Variants in CEP63 observed in about 807,000 individuals in gnomAD.
The protein encoded by CEP63 is centrosomal protein 63.
A neutral mutation model predicts 89.1 loss-of-function variants in CEP63; 84 were observed. The ratio of observed to expected loss-of-function variants is 0.94; its 90% CI spans 0.79 to 1.13. The LOEUF is 1.13. CEP63 is among the 50% of genes most tolerant of loss of function. The pLI is 0.00. For missense variants in CEP63, 838 were observed against 813.3 expected (o/e 1.03, Z -0.37); for synonymous variants, 267 against 272.5 (o/e 0.98, Z 0.20).
chr3:134,583,015 T>A (rs556433404), intron 10 of CEP63, among the ~76,000 whole-genome samples: 24 of 152,354 alleles, frequency 1.6e-4, no homozygotes, highest in African/African-American at 5.8e-4. Context: ...TGCCCACTTT[T>A]TGATGGGGTT....
At chr3:134,614,042 T>C in the CEP63 span, among the ~76,000 whole-genome samples, 1 of 152,232 alleles carries the variant, frequency 6.6e-6, no homozygotes, top group Admixed American at 6.5e-5. Flanking sequence ...GCTCAGTGGC[T>C]GCCCTAGATG....
At chr3:134,531,583 A>G (rs763409493) in intron 3 of CEP63, among the ~76,000 whole-genome samples, 5 of 152,172 alleles carry the variant, frequency 3.3e-5, no homozygotes, top group Non-Finnish European at 7.4e-5. Context: ...CCCATCTCAA[A>G]AAGAAAAAAA....
At chr3:134,519,572 A>AT (rs1382372535) in intron 3 of CEP63, among the ~76,000 whole-genome samples, 1 of 152,212 alleles carries the variant, frequency 6.6e-6, no homozygotes, top group African/African-American at 2.4e-5. Context: ...ACAGAAGAAA[A>AT]GATAAGATTT....
At chr3:134,619,657 G>A in the CEP63 span, among the ~76,000 whole-genome samples, 1 of 152,236 alleles carries the variant, frequency 6.6e-6, no homozygotes, top group African/African-American at 2.4e-5. Context: ...CACAGAGCTC[G>A]TCTCCAAGTG....
chr3:134,735,211 T>A, the CEP63 span, among the ~76,000 whole-genome samples: 1 of 152,150 alleles, frequency 6.6e-6, no homozygotes, highest in East Asian at 1.9e-4. Context: ...TATAACTTCA[T>A]CAAGCATTAT....
chr3:134,594,462 C>A, the CEP63 span, among the ~76,000 whole-genome samples: 3 of 151,928 alleles, frequency 2.0e-5, no homozygotes, highest in African/African-American at 2.4e-5. Context: ...AAAGCAATCT[C>A]GGCACATGCT....
At chr3:134,665,834 T>C in the CEP63 span, among the ~76,000 whole-genome samples, 1 of 145,608 alleles carries the variant, frequency 6.9e-6, no homozygotes, top group Non-Finnish European at 1.5e-5. Flanking sequence ...GAGACAAATA[T>C]GGAGGAAAGA....
intron 3 of CEP63, among the ~76,000 whole-genome samples, chr3:134,519,184 C>T (rs185651717): frequency 1.3e-5 from 2 of 152,170 alleles, no homozygotes; most frequent in Admixed American, 6.5e-5. Context: ...AGTGCAGTTG[C>T]GTGATCTCAG....
the CEP63 span, among the ~76,000 whole-genome samples, chr3:134,698,828 G>A: frequency 6.6e-5 from 10 of 152,124 alleles, no homozygotes; most frequent in Non-Finnish European, 1.2e-4. Flanking sequence ...TTCATCCATC[G>A]TTTCACACAC....
chr3:134,658,170 A>G, the CEP63 span, among the ~76,000 whole-genome samples: 4 of 152,214 alleles, frequency 2.6e-5, no homozygotes, highest in Admixed American at 2.6e-4. Context: ...TGCTGGGATT[A>G]CAGGCATGAG....
the CEP63 span, among the ~76,000 whole-genome samples, chr3:134,667,762 G>A: frequency 6.6e-6 from 1 of 152,190 alleles, no homozygotes; most frequent in Non-Finnish European, 1.5e-5. Flanking sequence ...GAGGAAGCCA[G>A]TGGCCAGGTT....
intron 1 of CEP63, among the ~76,000 whole-genome samples, chr3:134,495,045 A>G (rs1444003155): frequency 6.6e-6 from 1 of 152,184 alleles, no homozygotes; most frequent in Admixed American, 6.5e-5. Flanking sequence ...GAACAATGAG[A>G]TATTTGATAT....
At chr3:134,488,287 C>G (rs918249804) in intron 1 of CEP63, among the ~76,000 whole-genome samples, 3 of 152,182 alleles carry the variant, frequency 2.0e-5, no homozygotes, top group Admixed American at 2.0e-4. Context: ...AACCATGCCC[C>G]TAACCCTGTC....
chr3:134,756,354 C>CT, the CEP63 span, among the ~76,000 whole-genome samples: 6 of 151,990 alleles, frequency 3.9e-5, no homozygotes, highest in African/African-American at 1.2e-4. Context: ...GAAGGGTATC[C>CT]TTTTTTTGAG....
At chr3:134,756,540 C>T in the CEP63 span, among the ~76,000 whole-genome samples, 4 of 151,974 alleles carry the variant, frequency 2.6e-5, no homozygotes, top group African/African-American at 4.8e-5. Flanking sequence ...TTTTTTTAGA[C>T]ATGGGGTTTT....
downstream of CEP63, among the ~76,000 whole-genome samples, chr3:134,578,336 T>TGTTTTTTTG (rs143434459): frequency 1.5e-5 from 2 of 136,786 alleles, no homozygotes; most frequent in Non-Finnish European, 1.5e-5. Flanking sequence ...TTTTTTTTTT[T>TGTTTTTTTG]TTTTTTTTTT....
chr3:134,563,867 C>T lies in CEP63; in HGVS notation c.*2332C>T, dbSNP rs1166392169. The T allele has an allele frequency of 1.3e-5, 2 of 152,316 alleles. No individual in the cohort carries two copies. Among genetic ancestry groups the T allele is most frequent in the African/African-American group, 4.8e-5 (2 of 41,448 alleles). 9.4% of individuals were successfully genotyped at this position (152,316 alleles called of 1,614,324 possible). A position where few individuals can be genotyped will look rare whatever the true frequency, so the allele number is the denominator to read the frequency against. On this transcript the variant is annotated 3_prime_UTR_variant, in exon 15 of 15. Coordinates refer to ENST00000675561, the MANE Select transcript of CEP63 (RefSeq NM_001353108.3). ...CGTCCTTTCTGTTTATTGAGTGCAG[C>T]AAGCTTTAACCTGTTCGGGTCTTTC...
At chr3:134,508,538 G>A (rs1215751646) in intron 3 of CEP63, among the ~76,000 whole-genome samples, 1 of 152,096 alleles carries the variant, frequency 6.6e-6, no homozygotes, top group African/African-American at 2.4e-5. Flanking sequence ...AATGAAAGTG[G>A]TTTTCTGGTT....
the CEP63 span, among the ~76,000 whole-genome samples, chr3:134,747,989 T>A: frequency 7.9e-5 from 12 of 152,186 alleles, no homozygotes; most frequent in African/African-American, 2.7e-4. Flanking sequence ...TTTCACCATA[T>A]TGGCCAGGCT....
Sources: gnomAD v4.1 joint callset for allele counts (sites outside exome capture counted in the v4.1 genomes callset) on GRCh38, gnomAD v4.1.1 for gene constraint, MANE v1.5 for transcripts, NCBI Gene and HGNC (gene_info 2026-07-23, HGNC 2026-07-21) for gene names.